Variants in MTUS1 observed in about 807,000 individuals in gnomAD.
MTUS1 encodes the protein microtubule-associated tumor suppressor 1.
In MTUS1, 109 loss-of-function variants were observed where a neutral mutation model predicts 120.8. The observed-to-expected ratio is 0.90, with a 90% CI of 0.77 to 1.06. MTUS1 has a LOEUF of 1.06. Ranked by LOEUF, MTUS1 falls within the 50% of genes least tolerant of loss-of-function variation. The pLI is 0.00. For missense variants in MTUS1, 2,210 were observed against 1,486.3 expected (o/e 1.49, Z -8.01); for synonymous variants, 737 against 550.5 (o/e 1.34, Z -4.74).
intron 8 of MTUS1, among the ~76,000 whole-genome samples, chr8:17,658,423 G>C (rs973366443): frequency 6.6e-6 from 1 of 152,140 alleles, no homozygotes; most frequent in Non-Finnish European, 1.5e-5. Flanking sequence ...CACAACCAAA[G>C]ATATATGTAC....
rs754975684 is a variant in MTUS1, at chr8:17,653,316, A to G, written c.3289-35T>C. Reference sequence around the variant, plus strand: ...AATGAAATGTGGAACTTAAGTTAACAAGAAAACCCCAGAAACTCAGCATAC... The same window carrying G: ...AATGAAATGTGGAACTTAAGTTAACGAGAAAACCCCAGAAACTCAGCATAC... On this transcript the variant is annotated intron_variant, in intron 11 of 14. Coordinates refer to ENST00000693296, the MANE Select transcript of MTUS1 (RefSeq NM_001363059.2). 4 of 1,498,122 alleles carry G rather than the reference A, an allele frequency of 2.7e-6. No individual in the cohort carries two copies. The South Asian group carries it at 5.0e-5, about 19-fold the overall frequency. 92.8% of individuals were successfully genotyped at this position (1,498,122 alleles called of 1,614,324 possible). A position where few individuals can be genotyped will look rare whatever the true frequency, so the allele number is the denominator to read the frequency against.
intron 3 of MTUS1, among the ~76,000 whole-genome samples, chr8:17,743,313 A>G (rs1346831230): frequency 1.3e-5 from 2 of 152,182 alleles, no homozygotes; most frequent in Non-Finnish European, 2.9e-5. Flanking sequence ...GAAAAAACTT[A>G]ATGAAATGAT....
intron 9 of MTUS1, 59 bp downstream of exon 9, chr8:17,655,804 A>G: frequency 6.8e-7 from 1 of 1,462,150 alleles, no homozygotes; most frequent in Non-Finnish European, 9.6e-7. Context: ...GTGAAGAGCA[A>G]CCAGGATTCA....
intron 3 of MTUS1, among the ~76,000 whole-genome samples, chr8:17,740,389 G>A (rs182322870): frequency 1.5e-4 from 23 of 152,256 alleles, no homozygotes; most frequent in Non-Finnish European, 2.4e-4. Flanking sequence ...CATTTCTGCC[G>A]CTTACCTTTC....
intron 6 of MTUS1, among the ~76,000 whole-genome samples, chr8:17,698,967 C>G (rs78177765): frequency 0.043 from 6,525 of 152,198 alleles, 282 homozygotes; most frequent in South Asian, 0.16. Context: ...TATTAAAAAA[C>G]CTGAACACCT....
intron 3 of MTUS1, among the ~76,000 whole-genome samples, chr8:17,739,993 G>A (rs1382600142): frequency 6.6e-6 from 1 of 152,128 alleles, no homozygotes; most frequent in East Asian, 1.9e-4. Context: ...ATCACCTGAG[G>A]TCAGAAGTTC....
chr8:17,711,743 G>A (rs1283129720), intron 6 of MTUS1, among the ~76,000 whole-genome samples: 2 of 152,176 alleles, frequency 1.3e-5, no homozygotes, highest in Non-Finnish European at 1.5e-5. Flanking sequence ...CTTTCAATGT[G>A]CCCTCCTCAT....
chr8:17,653,099 T>C (rs1807382096), intron 12 of MTUS1, 87 bp downstream of exon 12: 1 of 741,166 alleles, frequency 1.3e-6, no homozygotes. Context: ...ACCTGTGTTA[T>C]TTCTCTGGCT....
At chr8:17,680,474 A>ACC (rs1814190198) in intron 7 of MTUS1, among the ~76,000 whole-genome samples, 1 of 142,728 alleles carries the variant, frequency 7.0e-6, no homozygotes, top group Admixed American at 6.9e-5. Context: ...CAAAAAAAAA[A>ACC]AAAAAAAAAA....
At chr8:17,680,442 T>G (rs1585637938) in intron 7 of MTUS1, among the ~76,000 whole-genome samples, 1 of 111,248 alleles carries the variant, frequency 9.0e-6, no homozygotes, top group African/African-American at 3.6e-5. Context: ...CCAGACTGGG[T>G]GACAGAGCAA....
At chr8:17,696,784 C>G (rs1353275655) in intron 6 of MTUS1, among the ~76,000 whole-genome samples, 1 of 152,140 alleles carries the variant, frequency 6.6e-6, no homozygotes, top group African/African-American at 2.4e-5. Flanking sequence ...TGTTTTCTGT[C>G]AGAAGTGTTT....
intron 6 of MTUS1, among the ~76,000 whole-genome samples, chr8:17,702,505 T>C (rs1819295942): frequency 6.6e-6 from 1 of 152,192 alleles, no homozygotes; most frequent in Non-Finnish European, 1.5e-5. Flanking sequence ...GAAAACCTTT[T>C]CGCCCTTGCA....
At chr8:17,697,734 T>G in intron 6 of MTUS1, 1 of 995,816 alleles carries the variant, frequency 1.0e-6, no homozygotes, top group South Asian at 4.7e-5. Context: ...AAGTGGGTGG[T>G]CTCAGGAGCT....
intron 4 of MTUS1, among the ~76,000 whole-genome samples, chr8:17,720,336 A>T (rs1371488607): frequency 1.3e-5 from 2 of 150,120 alleles, no homozygotes; most frequent in African/African-American, 4.9e-5. Flanking sequence ...CAAGAGCGAA[A>T]CTCCATCTAA....
At chr8:17,713,294 T>C (rs1821694201) in intron 5 of MTUS1, 42 bp from the exon 6 acceptor site, 1 of 1,140,032 alleles carries the variant, frequency 8.8e-7, no homozygotes, top group African/African-American at 1.6e-5. Context: ...ATGTTTTATT[T>C]GACATATCAC....
At chr8:17,734,749 G>C (rs1427907231) in intron 3 of MTUS1, among the ~76,000 whole-genome samples, 1 of 152,134 alleles carries the variant, frequency 6.6e-6, no homozygotes, top group Non-Finnish European at 1.5e-5. Flanking sequence ...ATGTTCACCA[G>C]CAAATTTATT....
intron 6 of MTUS1, among the ~76,000 whole-genome samples, chr8:17,709,493 C>G (rs57981882): frequency 0.42 from 63,304 of 151,904 alleles, 14,585 homozygotes; most frequent in Middle Eastern, 0.59. Context: ...TCATTCTTCG[C>G]TCAGGACTGC....
At chr8:17,758,136 T>C (rs1043248016) in intron 1 of MTUS1, 7 of 152,238 alleles carry the variant, frequency 4.6e-5, no homozygotes, top group African/African-American at 1.7e-4. Flanking sequence ...TTAATTCAAC[T>C]TGCCGAATGA....
At chr8:17,661,712 G>C (rs1221813573) in intron 8 of MTUS1, among the ~76,000 whole-genome samples, 2 of 152,124 alleles carry the variant, frequency 1.3e-5, no homozygotes, top group East Asian at 1.9e-4. Flanking sequence ...GGAAGAAACG[G>C]GAAAGAGAAA....
Sources: allele counts gnomAD v4.1 joint callset (sites outside exome capture counted in the v4.1 genomes callset), GRCh38; gene constraint gnomAD v4.1.1; transcripts MANE v1.5; gene names NCBI Gene and HGNC (gene_info 2026-07-23, HGNC 2026-07-21).